The following SCN11A variants were observed in gnomAD, a reference collection of about 807,000 sequenced individuals.
The protein encoded by SCN11A is sodium voltage-gated channel alpha subunit 11, also known as sodium channel protein type 11 subunit alpha.
In SCN11A, 122 loss-of-function variants were observed where a neutral mutation model predicts 162.2. That is an observed-to-expected ratio of 0.75 (90% CI 0.65 to 0.87). The LOEUF is 0.87. Ranked by LOEUF, SCN11A falls within the 40% of genes least tolerant of loss-of-function variation. SCN11A has a pLI of 0.00. For synonymous variants in SCN11A, 758 were observed against 751.5 expected (o/e 1.01, Z -0.14); for missense variants, 2,015 against 2,181.6 (o/e 0.92, Z 1.52).
In SCN11A at chr3:38,862,297, A is replaced by G. The variant is rs116416124; in HGVS notation, c.4056+898T>C. Among the ~76,000 whole-genome samples the G allele has an allele frequency of 5.2e-3, 795 of 152,288 alleles. 5 individuals are homozygous for G. Among genetic ancestry groups the G allele is most frequent in the African/African-American group, 0.018 (761 of 41,558 alleles). Reference sequence around the variant, plus strand: ...ACTTTTACACTGTTGGTGGGAATATAAACTAGTATAACCATTATGAAAACC... The same window carrying G: ...ACTTTTACACTGTTGGTGGGAATATGAACTAGTATAACCATTATGAAAACC... On this transcript the variant is annotated intron_variant, in intron 28 of 29. Transcript: ENST00000302328.
intron 5 of SCN11A, among the ~76,000 whole-genome samples, chr3:38,949,737 A>G (rs1276722067): frequency 1.3e-5 from 2 of 152,214 alleles, no homozygotes; most frequent in African/African-American, 2.4e-5. Context: ...GAAGATTAGT[A>G]AAGTGACTTG....
chr3:39,014,841 T>C (rs1282040216), intron 2 of SCN11A, among the ~76,000 whole-genome samples: 2 of 152,202 alleles, frequency 1.3e-5, no homozygotes, highest in Non-Finnish European at 2.9e-5. Context: ...AGGGCTTCTG[T>C]GTAATTGATC....
intron 2 of SCN11A, among the ~76,000 whole-genome samples, chr3:38,968,882 G>A (rs2066799774): frequency 6.6e-6 from 1 of 152,160 alleles, no homozygotes; most frequent in Non-Finnish European, 1.5e-5. Context: ...TTTATAAACT[G>A]TAAAGTACAT....
chr3:38,902,859 T>C lies in SCN11A; in HGVS notation c.1842+1006A>G, dbSNP rs141627592. On this transcript the variant is annotated intron_variant, in intron 16 of 29. Transcript: ENST00000302328. Reference sequence around the variant, plus strand: ...ATGTAAAACAAATTTTTTAAAGACATGTAAAAAGACATCACAAAAAAAAAA... The same window carrying C: ...ATGTAAAACAAATTTTTTAAAGACACGTAAAAAGACATCACAAAAAAAAAA... 1.8e-4 allele frequency among the ~76,000 whole-genome samples: 26 copies of C among 146,572 alleles called. No homozygotes were observed. In the East Asian group the frequency reaches 5.2e-3, roughly 29 times the overall value.
chr3:38,929,135 GCACA>G (rs748169973), intron 7 of SCN11A, among the ~76,000 whole-genome samples: 17 of 66,696 alleles, frequency 2.5e-4, no homozygotes, highest in East Asian at 1.4e-3. Context: ...GTCTGTGCAC[GCACA>G]CACACACACA....
At chr3:39,043,638 T>C (rs745714219) in intron 1 of SCN11A, among the ~76,000 whole-genome samples, 1 of 151,296 alleles carries the variant, frequency 6.6e-6, no homozygotes, top group Non-Finnish European at 1.5e-5. Context: ...ACTGAACTCA[T>C]GGATACAGAG....
intron 2 of SCN11A, among the ~76,000 whole-genome samples, chr3:38,964,138 G>T (rs1321203775): frequency 2.0e-5 from 3 of 152,226 alleles, no homozygotes; most frequent in African/African-American, 4.8e-5. Flanking sequence ...GGTCCACATT[G>T]TAAGAGGATG....
chr3:38,859,348 T>C, intron 28 of SCN11A, among the ~76,000 whole-genome samples: 1 of 151,992 alleles, frequency 6.6e-6, no homozygotes. Context: ...GTACAACTGA[T>C]ACCACAGAAA....
At chr3:38,889,973 GAA>G (rs944839326) in intron 19 of SCN11A, among the ~76,000 whole-genome samples, 3 of 141,956 alleles carry the variant, frequency 2.1e-5, no homozygotes, top group Non-Finnish European at 3.1e-5. Flanking sequence ...ATGAGTTATG[GAA>G]AAAAAAAAAA....
chr3:39,020,500 C>T (rs79989646), intron 2 of SCN11A, among the ~76,000 whole-genome samples: 2,788 of 152,190 alleles, frequency 0.018, 36 homozygotes, highest in Middle Eastern at 0.044. Flanking sequence ...ATTTGAAACT[C>T]TCAGAGATAA....
At chr3:38,958,676 T>C (rs761203326) in intron 3 of SCN11A, among the ~76,000 whole-genome samples, 2 of 152,226 alleles carry the variant, frequency 1.3e-5, no homozygotes, top group Non-Finnish European at 2.9e-5. Context: ...TGTCCATATA[T>C]TTCATATGAC....
At chr3:38,888,642 T>C (rs887095450) in intron 19 of SCN11A, among the ~76,000 whole-genome samples, 3 of 152,258 alleles carry the variant, frequency 2.0e-5, no homozygotes, top group Non-Finnish European at 4.4e-5. Context: ...ACGTTCTCCC[T>C]AGGGAAATAA....
intron 26 of SCN11A, among the ~76,000 whole-genome samples, chr3:38,869,716 T>C (rs2065095185): frequency 6.6e-6 from 1 of 152,138 alleles, no homozygotes. Flanking sequence ...AATCTGAAAA[T>C]CCGAAGTCTC....
chr3:38,928,258 T>C (rs556738324), intron 7 of SCN11A, among the ~76,000 whole-genome samples: 5 of 152,136 alleles, frequency 3.3e-5, no homozygotes, highest in Admixed American at 2.6e-4. Flanking sequence ...CCAGAATATG[T>C]AAATAACTCT....
intron 2 of SCN11A, among the ~76,000 whole-genome samples, chr3:38,989,681 A>C (rs2125593752): frequency 6.6e-6 from 1 of 152,336 alleles, no homozygotes; most frequent in East Asian, 1.9e-4. Flanking sequence ...CCAGTTGCAT[A>C]CTTAACTTCT....
intron 10 of SCN11A, 125 bp from the exon 11 acceptor site, chr3:38,920,126 T>G (rs916227800): frequency 4.3e-5 from 31 of 726,352 alleles, no homozygotes; most frequent in Non-Finnish European, 6.3e-5. Context: ...TTAAAGGAGG[T>G]GTGTCCAGAG....
At chr3:38,925,199 T>A (rs992169589) in intron 9 of SCN11A, among the ~76,000 whole-genome samples, 10 of 148,490 alleles carry the variant, frequency 6.7e-5, no homozygotes, top group South Asian at 4.6e-4. Context: ...TAAAACTCCA[T>A]GAGTCCGTAT....
Position 38,916,597 on chromosome 3 carries a change from G to A in SCN11A, c.959+3338C>T, listed in dbSNP as rs761479854. Among the ~76,000 whole-genome samples, 135 of 152,096 alleles carry A rather than the reference G, an allele frequency of 8.9e-4. 3 individuals are homozygous for A. The highest frequency in any genetic ancestry group is 4.1e-4 in the South Asian group (2 of 4,824). On this transcript the variant is annotated intron_variant, in intron 11 of 29. Transcript: ENST00000302328. ...ATCGTTGGCACTGATGAGCTATCAC[G>A]TCCTTCATGGTTGGCTCTTGTCTCT...
At chr3:38,966,293 G>T (rs901980454) in intron 2 of SCN11A, among the ~76,000 whole-genome samples, 1 of 152,124 alleles carries the variant, frequency 6.6e-6, no homozygotes, top group African/African-American at 2.4e-5. Flanking sequence ...ACATCATTTT[G>T]TGTATCAGTT....
Sources: allele counts gnomAD v4.1 joint callset (sites outside exome capture counted in the v4.1 genomes callset), GRCh38; gene constraint gnomAD v4.1.1; transcripts MANE v1.5; gene names NCBI Gene and HGNC (gene_info 2026-07-23, HGNC 2026-07-21).